Variants in RSPO1 observed in about 807,000 individuals in gnomAD.
The protein encoded by RSPO1 is R-spondin 1.
A neutral mutation model predicts 26.0 loss-of-function variants in RSPO1; 18 were observed. The ratio of observed to expected loss-of-function variants is 0.69; its 90% CI spans 0.48 to 1.03. The LOEUF is 1.03. Among genes scored for constraint, RSPO1 ranks in the 50% least tolerant of loss-of-function variants. The probability of loss-of-function intolerance (pLI) is 0.00; values close to 1 mark genes in which losing one functional copy is unlikely to be tolerated. For missense variants in RSPO1, 309 were observed against 352.3 expected, an observed-to-expected ratio of 0.88 and a Z score of 0.98; for synonymous variants, 133 against 137.4, an observed-to-expected ratio of 0.97 and a Z score of 0.22.
rs1467163185 is a variant in RSPO1 at position 37,613,206 on chromosome 1, T to C, written c.626-285A>G. Among the ~76,000 whole-genome samples, 3 of 152,214 alleles carry C rather than the reference T, an allele frequency of 2.0e-5. No individual in the cohort carries two copies. The highest frequency in any genetic ancestry group is 4.4e-5 in the Non-Finnish European group (3 of 68,040). On this transcript the variant is annotated intron_variant, in intron 6 of 6. Coordinates refer to ENST00000356545, the MANE Select transcript of RSPO1 (RefSeq NM_001242908.2). This position sits in a 1 kb window ranked among gnomAD's most constrained non-coding sequence, Gnocchi z 4.5. ...TCTTCCTCATGGATTCCTCAGACCT[T>C]GGATCCCAATGGACCAAGAGCACTT...
intron 4 of RSPO1, among the ~76,000 whole-genome samples, chr1:37,615,173 G>A (rs1014839343): frequency 6.6e-6 from 1 of 152,144 alleles, no homozygotes; most frequent in African/African-American, 2.4e-5. Context: ...GACCAAGAGG[G>A]TAGCTCCCAG....
intron 3 of RSPO1, among the ~76,000 whole-genome samples, chr1:37,623,181 G>A (rs922400128): frequency 6.7e-6 from 1 of 150,068 alleles, no homozygotes; most frequent in African/African-American, 2.5e-5. Flanking sequence ...GTTTATCAAG[G>A]GGGACAGGAA....
intron 3 of RSPO1, among the ~76,000 whole-genome samples, chr1:37,618,412 G>A (rs540487915): frequency 1.3e-5 from 2 of 152,284 alleles, no homozygotes; most frequent in African/African-American, 4.8e-5. Flanking sequence ...ACTTGTTTCA[G>A]GACCTTCTCA....
chr1:37,621,363 ATGGAT>A (rs911287770), intron 3 of RSPO1, among the ~76,000 whole-genome samples: 3 of 152,172 alleles, frequency 2.0e-5, no homozygotes, highest in African/African-American at 4.8e-5. Context: ...AGAGTGGTGA[ATGGAT>A]TTTCCGAGGG....
intron 4 of RSPO1, among the ~76,000 whole-genome samples, chr1:37,614,683 G>A (rs531683201): frequency 2.0e-5 from 3 of 152,158 alleles, no homozygotes; most frequent in Non-Finnish European, 4.4e-5. Flanking sequence ...GGTGGGGGTG[G>A]GACAGGAGAG....
At chr1:37,624,602 T>C (rs1644250606) in intron 3 of RSPO1, among the ~76,000 whole-genome samples, 1 of 152,178 alleles carries the variant, frequency 6.6e-6, no homozygotes, top group Admixed American at 6.5e-5. Flanking sequence ...CCCTTTTAAG[T>C]TGCTGTGGCT....
Position 37,621,201 on chromosome 1 carries a change from G to A in RSPO1, c.95-4526C>T, listed in dbSNP as rs370490952. On this transcript the variant is annotated intron_variant, in intron 3 of 6. Transcript: ENST00000356545. ...GGGAGCCTGGAGCGAGTGATGAGGC[G>A]GGAAGTTGGAGAGGGAAGCAGGGGC... Among the ~76,000 whole-genome samples, 19 of 152,288 alleles carry A rather than the reference G, an allele frequency of 1.2e-4. 1 individual carries two copies. The South Asian group carries it at 2.9e-3, about 23-fold the overall frequency.
chr1:37,627,881 G>A (rs1313576774), intron 3 of RSPO1, among the ~76,000 whole-genome samples: 9 of 152,106 alleles, frequency 5.9e-5, no homozygotes, highest in Admixed American at 5.9e-4. Flanking sequence ...TACCATCAAG[G>A]ATGTCTGTTA....
intron 3 of RSPO1, among the ~76,000 whole-genome samples, chr1:37,623,589 G>A (rs1644234264): frequency 6.6e-6 from 1 of 151,914 alleles, no homozygotes; most frequent in South Asian, 2.1e-4. Context: ...ATCGACCATG[G>A]CATGGAAAAT....
intron 3 of RSPO1, among the ~76,000 whole-genome samples, chr1:37,627,471 A>G (rs1032283087): frequency 6.6e-6 from 1 of 152,096 alleles, no homozygotes; most frequent in African/African-American, 2.4e-5. Context: ...CCAACATGAC[A>G]AAACTTTGTC....
At chr1:37,615,317 A>T (rs1644094492) in intron 4 of RSPO1, among the ~76,000 whole-genome samples, 1 of 152,184 alleles carries the variant, frequency 6.6e-6, no homozygotes, top group Non-Finnish European at 1.5e-5. Flanking sequence ...AAGAACAAAA[A>T]TAAGAACAAT....
At position 37,612,851 on chromosome 1, in the gene RSPO1, G is replaced by A. The variant is rs765754433; in HGVS notation, c.696C>T (p.Ser232=). 8.1e-6 allele frequency: 13 copies of A among 1,613,976 alleles called. No homozygotes were observed. The South Asian group carries it at 1.4e-4, about 18-fold the overall frequency. ...NANRNLARKE[S]KEAGAGSRRR... The stretch of plus-strand genomic sequence containing the variant: ...TTCGAGAGCCAGCACCCGCCTCCTT[G>A]CTCTCCTTCCTGGCCAGGTTCCTGT... The change falls in exon 7 of 7, where the codon AGC becomes AGT. Residue 232 remains serine, a synonymous_variant. Transcript: ENST00000356545.
At position 37,614,203 on chromosome 1, in the gene RSPO1, G is replaced by T; in HGVS notation, c.417C>A (p.Thr139=). ...CPEGSSAANG[T]MECSSPAQCE... Reference sequence around the variant, plus strand: ...GCTTACCAGGACTACTGCACTCCATGGTGCCATTGGCAGCTGAGGAGCCCT... The same window carrying T: ...GCTTACCAGGACTACTGCACTCCATTGTGCCATTGGCAGCTGAGGAGCCCT... Residue 139 remains threonine, a synonymous_variant, in exon 5 of 7, where the codon ACC becomes ACA. Transcript: ENST00000356545. 1 of 1,613,138 alleles carries T rather than the reference G, an allele frequency of 6.2e-7. No homozygotes were observed.
Position 37,616,548 on chromosome 1 carries a change from G to A in RSPO1, c.222C>T (p.Val74=), listed in dbSNP as rs1268494643. 3 of 1,614,194 alleles carry A rather than the reference G, an allele frequency of 1.9e-6. No individual in the cohort carries two copies. The highest frequency in any genetic ancestry group is 4.5e-5 in the East Asian group (2 of 44,872). ...LERNDIRQVG[V]CLPSCPPGYF... Reference sequence around the variant, plus strand: ...ATCCAGGTGGGCAGGACGGCAAGCAGACGCCCACCTGGCGGATGTCGTTCC... The same window carrying A: ...ATCCAGGTGGGCAGGACGGCAAGCAAACGCCCACCTGGCGGATGTCGTTCC... Residue 74 remains valine, a synonymous_variant, in exon 4 of 7, where the codon GTC becomes GTT. Transcript: ENST00000356545.
At chr1:37,614,442 C>T in intron 4 of RSPO1, 109 bp from the exon 5 acceptor site, 1 of 1,276,568 alleles carries the variant, frequency 7.8e-7, no homozygotes, top group East Asian at 2.4e-5. Context: ...ACATGGAGGG[C>T]AGGACCCTGG....
Position 37,629,957 on chromosome 1 carries a change from G to A in RSPO1, c.-288-8C>T. The A allele has an allele frequency of 1.6e-6, 2 of 1,231,660 alleles. No homozygotes were observed. The highest frequency in any genetic ancestry group is 2.3e-6 in the Non-Finnish European group (2 of 855,904). The allele number at this position is 1,231,660 out of a possible 1,614,324, so 76.3% of individuals were successfully genotyped here. ...ACTACTCCAAAAACCAACCTGTCAG[G>A]GAAGGAGAAAGAAGGGTTAATTCTG... On this transcript the variant is annotated splice_polypyrimidine_tract_variant and splice_region_variant and intron_variant, in intron 2 of 6. Coordinates refer to ENST00000356545, the MANE Select transcript of RSPO1 (RefSeq NM_001242908.2).
intron 1 of RSPO1, 144 bp from the exon 2 acceptor site, chr1:37,632,497 C>T (rs1361456383): frequency 2.5e-5 from 1 of 40,182 alleles, no homozygotes; most frequent in Non-Finnish European, 6.5e-5. Context: ...CTAAGAGTTC[C>T]TCTATACCAG....
intron 3 of RSPO1, among the ~76,000 whole-genome samples, chr1:37,620,565 A>G (rs1206084710): frequency 6.6e-6 from 1 of 151,966 alleles, no homozygotes; most frequent in African/African-American, 2.4e-5. Flanking sequence ...CAGGAGGCAG[A>G]GGCTGCAGTG....
rs997410528 is a variant in RSPO1, at chr1:37,612,831, G to T, written c.716C>A (p.Ser239Tyr). The change falls in exon 7 of 7, where the codon TCT becomes TAT. Residue 239 changes from serine to tyrosine, a missense_variant. Transcript: ENST00000356545. Reference protein sequence around the residue: ...RKESKEAGAGSRRRKGQQQQQ... With the variant: ...RKESKEAGAGYRRRKGQQQQQ... ...CTGTTGCTGCCCCTTGCGTCTTCGA[G>T]AGCCAGCACCCGCCTCCTTGCTCTC... is the stretch of plus-strand genomic sequence containing the variant. 1.2e-6 allele frequency: 2 copies of T among 1,613,670 alleles called. No homozygotes were observed. The highest frequency in any genetic ancestry group is 1.7e-6 in the Non-Finnish European group (2 of 1,180,048).
Sources: allele counts gnomAD v4.1 joint callset (sites outside exome capture counted in the v4.1 genomes callset), GRCh38; gene constraint gnomAD v4.1.1; non-coding constraint Gnocchi (gnomAD v3.1); transcripts MANE v1.5; gene names NCBI Gene and HGNC (gene_info 2026-07-23, HGNC 2026-07-21).